Variants in CEP120 observed in about 807,000 individuals in gnomAD.
The protein encoded by CEP120 is centrosomal protein of 120 kDa.
Under a neutral mutation model 126.5 loss-of-function variants are expected in CEP120, and 113 were observed. The ratio of observed to expected loss-of-function variants is 0.89; its 90% CI spans 0.77 to 1.04. CEP120 has a LOEUF of 1.04. CEP120 is among the 50% of genes least tolerant of loss of function. CEP120 has a pLI of 0.00. For synonymous variants in CEP120, 400 were observed against 394.3 expected, an observed-to-expected ratio of 1.01 and a Z score of -0.17; for missense variants, 1,230 against 1,155.7, an observed-to-expected ratio of 1.06 and a Z score of -0.93.
intron 17 of CEP120, among the ~76,000 whole-genome samples, chr5:123,366,038 C>T (rs1338521755): frequency 7.0e-6 from 1 of 142,268 alleles, no homozygotes; most frequent in African/African-American, 2.6e-5. Flanking sequence ...ACTTAAAACA[C>T]ATGTATAGTT....
chr5:123,404,917 A>C (rs1773539985), intron 4 of CEP120, among the ~76,000 whole-genome samples: 1 of 152,232 alleles, frequency 6.6e-6, no homozygotes, highest in Non-Finnish European at 1.5e-5. Flanking sequence ...AAAATATTAT[A>C]GTAGGAAAAA....
chr5:123,366,319 C>T (rs1481281056), intron 17 of CEP120, among the ~76,000 whole-genome samples: 1 of 151,400 alleles, frequency 6.6e-6, no homozygotes, highest in African/African-American at 2.4e-5. Flanking sequence ...TTCTGGAAAC[C>T]TTTGTACTTA....
intron 4 of CEP120, among the ~76,000 whole-genome samples, chr5:123,403,052 T>A (rs1440529169): frequency 6.6e-6 from 1 of 152,242 alleles, no homozygotes; most frequent in African/African-American, 2.4e-5. Flanking sequence ...AATTACCCAG[T>A]CTGTAGTGTT....
chr5:123,395,699 T>G (rs1772736610), intron 5 of CEP120, among the ~76,000 whole-genome samples: 2 of 107,166 alleles, frequency 1.9e-5, no homozygotes, highest in African/African-American at 7.0e-5. Context: ...TTTTTTTTTT[T>G]GAGACAGATT....
chr5:123,415,526 A>T (rs1774329280), intron 3 of CEP120, among the ~76,000 whole-genome samples: 1 of 152,214 alleles, frequency 6.6e-6, no homozygotes, highest in Admixed American at 6.5e-5. Flanking sequence ...TTGGTCAAGG[A>T]AATCACTAAA....
chr5:123,378,446 A>AC lies in CEP120; in HGVS notation c.2104-19_2104-18insG, dbSNP rs1298700211. On this transcript the variant is annotated intron_variant, in intron 14 of 19. Coordinates refer to ENST00000306467, the MANE Select transcript of CEP120 (RefSeq NM_001375405.1). The stretch of plus-strand genomic sequence containing the variant: ...TCAGCCACCTAAAATATAGTAAAAA[A>AC]AAAAAAAAAAAAGTTACCTACCTTC... 3.4e-6 allele frequency: 3 copies of AC among 884,754 alleles called. No homozygotes were observed. The African/African-American group carries it at 5.1e-5, about 15-fold the overall frequency. The allele number at this position is 884,754 out of a possible 1,614,324, so 54.8% of individuals were successfully genotyped here. A position where few individuals can be genotyped will look rare whatever the true frequency, so the allele number is the denominator to read the frequency against.
rs114139412 is a variant in CEP120 at position 123,393,615 on chromosome 5, C to T, written c.613-118G>A. 1.0e-3 allele frequency: 808 copies of T among 779,594 alleles called. 7 individuals are homozygous for T. In the African/African-American group the frequency reaches 0.012, roughly 12 times the overall value. The allele number at this position is 779,594 out of a possible 1,614,324, so 48.3% of individuals were successfully genotyped here. Reference sequence around the variant, plus strand: ...ATGTTTTTTTATTTGATGTCTTAACCGCTCAAATAAAATTTCTGAATTTCT... The same window carrying T: ...ATGTTTTTTTATTTGATGTCTTAACTGCTCAAATAAAATTTCTGAATTTCT... On this transcript the variant is annotated intron_variant, in intron 5 of 19. Coordinates refer to ENST00000306467, the MANE Select transcript of CEP120 (RefSeq NM_001375405.1).
intron 18 of CEP120, among the ~76,000 whole-genome samples, chr5:123,360,968 T>TA (rs1275424523): frequency 6.6e-6 from 1 of 151,816 alleles, no homozygotes; most frequent in African/African-American, 2.4e-5. Context: ...CATGACAAAG[T>TA]AAAAAGTTCT....
intron 4 of CEP120, among the ~76,000 whole-genome samples, chr5:123,399,787 C>T (rs2127092044): frequency 6.6e-6 from 1 of 152,182 alleles, no homozygotes; most frequent in African/African-American, 2.4e-5. Flanking sequence ...TAAGCAGAGG[C>T]CATATCATAC....
chr5:123,377,620 A>G, intron 15 of CEP120, 85 bp from the exon 16 acceptor site: 1 of 1,010,584 alleles, frequency 9.9e-7, no homozygotes, highest in Non-Finnish European at 1.4e-6. Context: ...CTATACACTC[A>G]AATGTTGAGG....
intron 14 of CEP120, among the ~76,000 whole-genome samples, chr5:123,381,302 G>A (rs766237385): frequency 2.6e-5 from 4 of 152,092 alleles, no homozygotes; most frequent in African/African-American, 4.8e-5. Context: ...CAATCTTGCT[G>A]AGCTGAGAAA....
intron 18 of CEP120, among the ~76,000 whole-genome samples, chr5:123,362,623 C>T (rs1307076771): frequency 6.6e-6 from 1 of 151,764 alleles, no homozygotes; most frequent in Non-Finnish European, 1.5e-5. Context: ...TTACACCTAG[C>T]ACAAAGTAAG....
intron 4 of CEP120, among the ~76,000 whole-genome samples, chr5:123,404,242 G>GA (rs1321494512): frequency 5.9e-5 from 9 of 152,060 alleles, no homozygotes; most frequent in Non-Finnish European, 1.3e-4. Flanking sequence ...TTCACTGAGG[G>GA]AAAAAATAAT....
At chr5:123,401,042 G>A in intron 4 of CEP120, 1 of 1,566,406 alleles carries the variant, frequency 6.4e-7, no homozygotes, top group Non-Finnish European at 8.7e-7. Context: ...CGTAGCTGAG[G>A]CCGGGGCTTG....
In CEP120 at chr5:123,388,626, A is replaced by G; in HGVS notation, c.1256-20T>C. The G allele has an allele frequency of 6.6e-7, 1 of 1,516,438 alleles. No individual in the cohort carries two copies. Among genetic ancestry groups the G allele is most frequent in the Non-Finnish European group, 8.8e-7 (1 of 1,132,780 alleles). 93.9% of individuals were successfully genotyped at this position (1,516,438 alleles called of 1,614,324 possible). A position where few individuals can be genotyped will look rare whatever the true frequency, so the allele number is the denominator to read the frequency against. On this transcript the variant is annotated intron_variant, in intron 8 of 19. Transcript: ENST00000306467. ...AACTGGCTGAAATGAACATAAAATA[A>G]AACAAAATAATCACACTTGCTAACA...
intron 1 of CEP120, among the ~76,000 whole-genome samples, chr5:123,420,969 C>T (rs1774675891): frequency 1.3e-5 from 2 of 152,160 alleles, no homozygotes; most frequent in Admixed American, 1.3e-4. Flanking sequence ...ACAGTACGAA[C>T]AAGAGAGAAG....
At chr5:123,388,272 T>G (rs916684705) in intron 9 of CEP120, 160 bp downstream of exon 9, 3 of 422,808 alleles carry the variant, frequency 7.1e-6, no homozygotes, top group Non-Finnish European at 1.2e-5. Flanking sequence ...CTACCCTTGT[T>G]TGAATTCAAA....
chr5:123,355,339 C>T (rs972373341), intron 18 of CEP120, among the ~76,000 whole-genome samples: 22 of 152,020 alleles, frequency 1.4e-4, no homozygotes, highest in African/African-American at 5.3e-4. Context: ...TTTCTAGTTC[C>T]AGATCCCTGA....
In CEP120 at chr5:123,350,011, C is replaced by T. The variant is rs370748677; in HGVS notation, c.2659G>A (p.Ala887Thr). 2.5e-5 allele frequency: 40 copies of T among 1,613,534 alleles called. No homozygotes were observed. Among genetic ancestry groups the T allele is most frequent in the Admixed American group, 3.3e-5 (2 of 59,926 alleles). The change falls in exon 19 of 20, where the codon GCT (alanine) becomes ACT (threonine). Residue 887 changes from alanine to threonine, a missense_variant. By Grantham distance (58) the Ala-to-Thr change is moderately conservative. Transcript: ENST00000306467. ...LEQMRLRYLA[A>T]EEKDTVKTER... ...GTTTTTACTGTATCTTTTTCCTCAG[C>T]GGCAAGGTAACGTAGTCTCATCTGT...
Sources: gnomAD v4.1 joint callset for allele counts (sites outside exome capture counted in the v4.1 genomes callset) on GRCh38, gnomAD v4.1.1 for gene constraint, MANE v1.5 for transcripts, NCBI Gene and HGNC (gene_info 2026-07-23, HGNC 2026-07-21) for gene names.